ATOH8: variants seen among roughly 807,000 people sequenced by gnomAD.
The protein encoded by ATOH8 is transcription factor ATOH8.
ATOH8 carries 9 observed loss-of-function variants against 21.2 expected under a neutral mutation model. That is an observed-to-expected ratio of 0.42 (90% CI 0.26 to 0.74). The LOEUF (loss-of-function observed/expected upper bound fraction) is 0.74. ATOH8 is among the 30% of genes least tolerant of loss of function. The pLI is 0.24. For synonymous variants in ATOH8, 253 were observed against 224.0 expected, an observed-to-expected ratio of 1.13 and a Z score of -1.16; for missense variants, 524 against 470.9, an observed-to-expected ratio of 1.11 and a Z score of -1.04.
intron 2 of ATOH8, among the ~76,000 whole-genome samples, chr2:85,772,407 G>A (rs898690362): frequency 2.6e-5 from 4 of 151,894 alleles, no homozygotes; most frequent in African/African-American, 7.2e-5. Context: ...CCCGGCCGCC[G>A]CGGCCCCCCC....
intron 1 of ATOH8, among the ~76,000 whole-genome samples, chr2:85,763,104 C>T (rs980046867): frequency 6.6e-6 from 1 of 152,082 alleles, no homozygotes; most frequent in African/African-American, 2.4e-5. Flanking sequence ...GTGAACAGTA[C>T]ATCATAGGAA....
chr2:85,785,770 C>T lies in ATOH8; in HGVS notation c.961-1115C>T, dbSNP rs575002246. 3.9e-5 allele frequency among the ~76,000 whole-genome samples: 6 copies of T among 152,364 alleles called. No individual in the cohort carries two copies. The highest frequency in any genetic ancestry group is 1.4e-4 in the African/African-American group (6 of 41,586). On this transcript the variant is annotated intron_variant, in intron 2 of 2. Coordinates refer to ENST00000306279, the MANE Select transcript of ATOH8 (RefSeq NM_032827.7). This position sits in a 1 kb window ranked among gnomAD's most constrained non-coding sequence, Gnocchi z 4.1. The stretch of plus-strand genomic sequence containing the variant: ...CATGAGAGGGGGGAATGGGAATGCT[C>T]CCTGGCAGGTCGGAGGTGCCTGACA...
chr2:85,756,194 GTGGGGGA>G, intron 1 of ATOH8, among the ~76,000 whole-genome samples: 1 of 146,430 alleles, frequency 6.8e-6, no homozygotes, highest in Non-Finnish European at 1.5e-5. Context: ...GGGGGTGGGG[GTGGGGGA>G]CGGGTGGCTG....
In ATOH8 at chr2:85,763,995, C is replaced by T. The variant is rs745848990; in HGVS notation, c.773C>T (p.Pro258Leu). ...CCTGACGCCTTCTCCCCTCAGGTGC[C>T]GTGCTACTCATATGGGCAGAAGCTG... ...AAFEALRKQV[P>L]CYSYGQKLSK... The change falls in exon 2 of 3, where the codon CCG (proline) becomes CTG (leucine). Residue 258 changes from proline to leucine, a missense_variant. Coordinates refer to ENST00000306279, the MANE Select transcript of ATOH8 (RefSeq NM_032827.7). The T allele has an allele frequency of 2.5e-6, 4 of 1,613,464 alleles. No homozygotes were observed. Among genetic ancestry groups the T allele is most frequent in the Middle Eastern group, 1.6e-4 (1 of 6,084 alleles).
rs951467248 is a variant in ATOH8, at chr2:85,785,559, C to T, written c.961-1326C>T. ...CGTCTTGGCTGGCTGCCCCGGCCCA[C>T]GGGGCTCACCAGGGCCTGTGGTTAG... On this transcript the variant is annotated intron_variant, in intron 2 of 2. Coordinates refer to ENST00000306279, the MANE Select transcript of ATOH8 (RefSeq NM_032827.7). This position sits in a 1 kb window ranked among gnomAD's most constrained non-coding sequence, Gnocchi z 4.1. 3.3e-5 allele frequency among the ~76,000 whole-genome samples: 5 copies of T among 152,228 alleles called. No individual in the cohort carries two copies. Among genetic ancestry groups the T allele is most frequent in the Admixed American group, 1.3e-4 (2 of 15,290 alleles).
chr2:85,755,807 AAGG>A (rs1048178872), intron 1 of ATOH8, among the ~76,000 whole-genome samples: 5 of 151,964 alleles, frequency 3.3e-5, no homozygotes, highest in African/African-American at 1.2e-4. Context: ...TCTTAGCGAG[AAGG>A]AGCTCTAGGA....
In ATOH8 at chr2:85,787,056, C is replaced by G. The variant is rs1481925926; in HGVS notation, c.*166C>G. The G allele has an allele frequency of 1.2e-6, 1 of 812,760 alleles. No individual in the cohort carries two copies. Among genetic ancestry groups the G allele is most frequent in the East Asian group, 2.7e-5 (1 of 36,584 alleles). The allele number at this position is 812,760 out of a possible 1,614,324, so 50.3% of individuals were successfully genotyped here. ...GATCGGAGCACGCCTGCCTCCCTCT[C>G]CCCTCCGCCCTCACCCAGCCAATCC... On this transcript the variant is annotated 3_prime_UTR_variant, in exon 3 of 3. Coordinates refer to ENST00000306279, the MANE Select transcript of ATOH8 (RefSeq NM_032827.7).
chr2:85,762,507 C>G (rs1679895997), intron 1 of ATOH8, among the ~76,000 whole-genome samples: 1 of 152,278 alleles, frequency 6.6e-6, no homozygotes, highest in South Asian at 2.1e-4. Flanking sequence ...GGCCTTCCCC[C>G]CACAGTTCAT....
Position 85,754,055 on chromosome 2 carries a change from T to C in ATOH8, c.-135T>C. On this transcript the variant is annotated 5_prime_UTR_variant, in exon 1 of 3. Coordinates refer to ENST00000306279, the MANE Select transcript of ATOH8 (RefSeq NM_032827.7). The stretch of plus-strand genomic sequence containing the variant: ...GGCTTCCCGAAGCCGGCGGCGCAGC[T>C]GCCCGGGGCGAGGGGGAGAAAGGGA... 8.9e-7 allele frequency: 1 copy of C among 1,119,966 alleles called. No homozygotes were observed. The highest frequency in any genetic ancestry group is 4.9e-5 in the Admixed American group (1 of 20,524). 69.4% of individuals were successfully genotyped at this position (1,119,966 alleles called of 1,614,324 possible).
intron 2 of ATOH8, chr2:85,773,605 T>C (rs1280680883): frequency 6.6e-6 from 1 of 152,232 alleles, no homozygotes; most frequent in Non-Finnish European, 1.5e-5. Flanking sequence ...TGCACCCATT[T>C]TCCATGGGCT....
intron 1 of ATOH8, among the ~76,000 whole-genome samples, chr2:85,763,108 A>G (rs535328746): frequency 1.3e-5 from 2 of 152,274 alleles, no homozygotes; most frequent in East Asian, 3.9e-4. Flanking sequence ...ACAGTACATC[A>G]TAGGAACAGT....
intron 1 of ATOH8, among the ~76,000 whole-genome samples, chr2:85,762,848 C>T (rs751186436): frequency 3.9e-5 from 6 of 152,112 alleles, no homozygotes; most frequent in African/African-American, 7.2e-5. Context: ...TGCCCACCTC[C>T]GTCCCTGCAA....
intron 2 of ATOH8, chr2:85,774,132 A>T (rs1465821): frequency 1.5e-5 from 15 of 985,206 alleles, no homozygotes; most frequent in Non-Finnish European, 1.7e-5. Flanking sequence ...TCTCCCTCCC[A>T]TGTCTCCTGC....
intron 2 of ATOH8, among the ~76,000 whole-genome samples, chr2:85,771,179 G>A (rs143493002): frequency 1.0e-3 from 158 of 152,312 alleles, no homozygotes; most frequent in African/African-American, 3.7e-3. Flanking sequence ...CGCTATGGCG[G>A]CCCTCAGCAA....
intron 1 of ATOH8, 120 bp from the exon 2 acceptor site, chr2:85,763,871 G>A (rs1573524828): frequency 1.9e-5 from 14 of 733,224 alleles, no homozygotes; most frequent in Middle Eastern, 3.1e-4. Flanking sequence ...CAGCAGGTGC[G>A]TAGAGCAGAT....
Position 85,754,162 on chromosome 2 carries a change from C to G in ATOH8, c.-28C>G. The G allele has an allele frequency of 2.0e-6, 3 of 1,495,054 alleles. No individual in the cohort carries two copies. Among genetic ancestry groups the G allele is most frequent in the Middle Eastern group, 2.0e-4 (1 of 5,020 alleles). The allele number at this position is 1,495,054 out of a possible 1,614,324, so 92.6% of individuals were successfully genotyped here. A position where few individuals can be genotyped will look rare whatever the true frequency, so the allele number is the denominator to read the frequency against. ...CGCGGCGGCGGCCCGGGCAGCCCCA[C>G]GCCCCTGCCTCGCGCGCCGCCCGCG... On this transcript the variant is annotated 5_prime_UTR_variant, in exon 1 of 3. Transcript: ENST00000306279.
intron 2 of ATOH8, 23 bp downstream of exon 2, chr2:85,764,205 G>C: frequency 6.2e-7 from 1 of 1,612,724 alleles, no homozygotes; most frequent in Non-Finnish European, 8.5e-7. Context: ...TGGGTGGGCG[G>C]TAGCTTCTGG....
intron 2 of ATOH8, among the ~76,000 whole-genome samples, chr2:85,768,630 C>T (rs767311131): frequency 3.1e-4 from 47 of 152,184 alleles, no homozygotes; most frequent in South Asian, 4.1e-4. Flanking sequence ...AGGTTGAGCT[C>T]AGTGTCCTCT....
At position 85,790,610 on chromosome 2, in the gene ATOH8, C is replaced by T. The variant is rs921840139; in HGVS notation, c.*3720C>T. Among the ~76,000 whole-genome samples the T allele has an allele frequency of 6.6e-6, 1 of 152,212 alleles. No individual in the cohort carries two copies. The highest frequency in any genetic ancestry group is 1.5e-5 in the Non-Finnish European group (1 of 68,032). ...TTCTCTTTTTTTCTGGATTTCTCCA[C>T]CTCCACCAAGTTCCCCTTTCTCACA... is the stretch of plus-strand genomic sequence containing the variant. On this transcript the variant is annotated 3_prime_UTR_variant, in exon 3 of 3. Transcript: ENST00000306279.
Sources: gnomAD v4.1 joint callset for allele counts (sites outside exome capture counted in the v4.1 genomes callset) on GRCh38, gnomAD v4.1.1 for gene constraint, Gnocchi (gnomAD v3.1) non-coding constraint, MANE v1.5 for transcripts, NCBI Gene and HGNC (gene_info 2026-07-23, HGNC 2026-07-21) for gene names.